PKHD1L1: variants seen among roughly 807,000 people sequenced by gnomAD.
The protein encoded by PKHD1L1 is fibrocystin-L.
PKHD1L1 carries 434 observed loss-of-function variants against 462.9 expected under a neutral mutation model. That is an observed-to-expected ratio of 0.94 (90% CI 0.87 to 1.02). The LOEUF (loss-of-function observed/expected upper bound fraction) is 1.02. Among genes scored for constraint, PKHD1L1 ranks in the 50% least tolerant of loss-of-function variants. PKHD1L1 has a pLI of 0.00. For synonymous variants in PKHD1L1, 1,781 were observed against 1,750.0 expected, an observed-to-expected ratio of 1.02 and a Z score of -0.44; for missense variants, 5,202 against 5,096.1, an observed-to-expected ratio of 1.02 and a Z score of -0.63.
At chr8:109,442,326 T>G in intron 35 of PKHD1L1, 131 bp downstream of exon 35, 1 of 873,834 alleles carries the variant, frequency 1.1e-6, no homozygotes, top group Non-Finnish European at 1.7e-6. Context: ...ATTTGGCATT[T>G]TATTGCTGCA....
Position 109,486,797 on chromosome 8 carries a change from A to G in PKHD1L1, c.9856A>G (p.Thr3286Ala). 3 of 1,611,828 alleles carry G rather than the reference A, an allele frequency of 1.9e-6. No homozygotes were observed. The highest frequency in any genetic ancestry group is 2.5e-6 in the Non-Finnish European group (3 of 1,178,582). Residue 3286 changes from threonine (T) to alanine (A), a missense_variant, in exon 59 of 78, where the codon ACT becomes GCT. Physicochemically the swap from Thr to Ala is moderately conservative, Grantham distance 58. Transcript: ENST00000378402. ...AGCACGCGTACTGGTTGGCTCATTC[A>G]CTGAAAATATGATGACATTTAAAGG... ...FGARVLVGSF[T>A]ENMMTFKGNA...
At chr8:109,461,689 T>C (rs1047928401) in intron 47 of PKHD1L1, 83 bp from the exon 48 acceptor site, 6 of 1,410,902 alleles carry the variant, frequency 4.3e-6, no homozygotes, top group South Asian at 4.1e-5. Flanking sequence ...GTGAATCAAA[T>C]GATACACTTA....
intron 4 of PKHD1L1, 151 bp from the exon 5 acceptor site, chr8:109,383,919 C>G (rs1244021700): frequency 1.5e-6 from 1 of 655,592 alleles, no homozygotes; most frequent in East Asian, 2.8e-5. Context: ...TAATTTAACT[C>G]TTAGGTTCAT....
chr8:109,475,327 T>A (rs1817924772), intron 51 of PKHD1L1, 58 bp downstream of exon 51: 2 of 1,297,716 alleles, frequency 1.5e-6, no homozygotes, highest in African/African-American at 3.0e-5. Flanking sequence ...ACAGCCTACA[T>A]CCTCATACTT....
At chr8:109,433,364 G>C in intron 28 of PKHD1L1, 148 bp downstream of exon 28, 1 of 670,320 alleles carries the variant, frequency 1.5e-6, no homozygotes, top group South Asian at 2.0e-5. Context: ...CATGAAATTG[G>C]CAACCTGGTC....
At chr8:109,391,390 A>G (rs1418517195) in intron 9 of PKHD1L1, among the ~76,000 whole-genome samples, 1 of 152,148 alleles carries the variant, frequency 6.6e-6, no homozygotes, top group Non-Finnish European at 1.5e-5. Context: ...ACCACATTTC[A>G]TCACTGCTTA....
At chr8:109,506,042 C>G (rs1240860001) in intron 68 of PKHD1L1, among the ~76,000 whole-genome samples, 32 of 152,136 alleles carry the variant, frequency 2.1e-4, no homozygotes, top group Non-Finnish European at 1.5e-5. Context: ...GTCAACAGAG[C>G]CCCTCTTCAG....
chr8:109,456,448 A>G (rs1166178977), intron 46 of PKHD1L1, 57 bp downstream of exon 46: 2 of 1,460,036 alleles, frequency 1.4e-6, no homozygotes, highest in South Asian at 1.4e-5. Context: ...TTTATACTGT[A>G]TAAAGAGGGA....
Position 109,381,471 on chromosome 8 carries a change from G to GA in PKHD1L1, c.270dup (p.Asp91ArgfsTer13), listed in dbSNP as rs1167234781. 6.3e-7 allele frequency: 1 copy of GA among 1,584,150 alleles called. No individual in the cohort carries two copies. Among genetic ancestry groups the GA allele is most frequent in the Non-Finnish European group, 8.6e-7 (1 of 1,162,610 alleles). ...TTTCCAGTCAATTACTTGTGATGTA[G>GA]AAAAAGATGCAAGTCATTCAACTCA... On this transcript the variant is annotated frameshift_variant, in exon 3 of 78. Coordinates refer to ENST00000378402, the MANE Select transcript of PKHD1L1 (RefSeq NM_177531.6). LOFTEE classifies it high-confidence loss of function.
At position 109,496,994 on chromosome 8, in the gene PKHD1L1, A is replaced by T. The variant is rs781343644; in HGVS notation, c.10403A>T (p.Asp3468Val). The change falls in exon 64 of 78, where the codon GAT becomes GTT. Residue 3468 changes from aspartate to valine, a missense_variant. Transcript: ENST00000378402. ...TTATATGGGATCTATATGAACCAAG[A>T]TGGCCTTCCTGGATGTTCTCTTATA... Reference protein sequence around the residue: ...GGLYGIYMNQDGLPGCSLIQG... With the variant: ...GGLYGIYMNQVGLPGCSLIQG... 3 of 1,613,476 alleles carry T rather than the reference A, an allele frequency of 1.9e-6. No homozygotes were observed. In the African/African-American group the frequency reaches 4.0e-5, roughly 22 times the overall value.
rs547157953 is a variant in PKHD1L1 at position 109,400,899 on chromosome 8, A to C, written c.1281+555A>C. Reference sequence around the variant, plus strand: ...TTCACAAATATGAAACTAACAGATCAAATCAAAGTAACATTTTATGACTCA... The same window carrying C: ...TTCACAAATATGAAACTAACAGATCCAATCAAAGTAACATTTTATGACTCA... On this transcript the variant is annotated intron_variant, in intron 13 of 77. Coordinates refer to ENST00000378402, the MANE Select transcript of PKHD1L1 (RefSeq NM_177531.6). 5.9e-5 allele frequency among the ~76,000 whole-genome samples: 9 copies of C among 152,272 alleles called. No homozygotes were observed. The South Asian group carries it at 1.9e-3, about 32-fold the overall frequency.
intron 2 of PKHD1L1, among the ~76,000 whole-genome samples, chr8:109,379,702 G>T (rs1461491444): frequency 1.3e-5 from 2 of 152,148 alleles, no homozygotes; most frequent in African/African-American, 4.8e-5. Flanking sequence ...CTTACATTCT[G>T]CTGGATTTGT....
At chr8:109,419,432 G>C (rs1814354606) in intron 22 of PKHD1L1, among the ~76,000 whole-genome samples, 172 bp downstream of exon 22, 1 of 152,144 alleles carries the variant, frequency 6.6e-6, no homozygotes. Flanking sequence ...AGTGCAAAGT[G>C]ATTATTCCAA....
At chr8:109,416,887 T>C (rs1449517913) in intron 21 of PKHD1L1, among the ~76,000 whole-genome samples, 1 of 152,190 alleles carries the variant, frequency 6.6e-6, no homozygotes, top group Non-Finnish European at 1.5e-5. Flanking sequence ...GAAGGAATGA[T>C]TGAATTAAAC....
At chr8:109,376,732 G>A (rs973866955) in intron 2 of PKHD1L1, among the ~76,000 whole-genome samples, 3 of 152,120 alleles carry the variant, frequency 2.0e-5, no homozygotes, top group Non-Finnish European at 4.4e-5. Context: ...CAGGTACCAC[G>A]TTAAACATTA....
chr8:109,511,177 G>A (rs574548907), intron 71 of PKHD1L1, among the ~76,000 whole-genome samples: 2 of 152,046 alleles, frequency 1.3e-5, no homozygotes, highest in East Asian at 3.9e-4. Context: ...CTCCATACGT[G>A]AAGCAAACCT....
rs1168701169 is a variant in PKHD1L1 at position 109,465,129 on chromosome 8, G to A, written c.8297G>A (p.Arg2766Lys). ...VTSISGVCND[R>K]CGGWSAKFVD... Reference sequence around the variant, plus strand: ...TCCATCTCTGGAGTTTGTAATGACAGATGTGGGGGTTGGAGTGCAAAGTTT... The same window carrying A: ...TCCATCTCTGGAGTTTGTAATGACAAATGTGGGGGTTGGAGTGCAAAGTTT... The change falls in exon 49 of 78, where the codon AGA becomes AAA. Residue 2766 changes from arginine to lysine, a missense_variant. By Grantham distance (26) the Arg-to-Lys change is conservative. Around this residue, in one of 3 missense-constraint regions of PKHD1L1, gnomAD observed 4,497 missense variants for 4,336.8 expected, o/e 1.04. Transcript: ENST00000378402. 6.2e-7 allele frequency: 1 copy of A among 1,613,810 alleles called. No homozygotes were observed. The highest frequency in any genetic ancestry group is 8.5e-7 in the Non-Finnish European group (1 of 1,179,766).
intron 50 of PKHD1L1, chr8:109,470,216 C>T: frequency 9.1e-7 from 1 of 1,095,394 alleles, no homozygotes. Context: ...ACCAGTTACT[C>T]TACTGAGCCT....
chr8:109,418,256 G>A (rs1814284983), intron 21 of PKHD1L1, among the ~76,000 whole-genome samples: 2 of 151,710 alleles, frequency 1.3e-5, no homozygotes, highest in Admixed American at 1.3e-4. Flanking sequence ...AATTTAAAGA[G>A]CACCTTAACT....
Sources: gnomAD v4.1 joint callset for allele counts (sites outside exome capture counted in the v4.1 genomes callset) on GRCh38, gnomAD v4.1.1 for gene constraint, gnomAD v4.1.1 regional missense constraint, MANE v1.5 for transcripts, NCBI Gene and HGNC (gene_info 2026-07-23, HGNC 2026-07-21) for gene names.